TEKTIP1: variants seen among roughly 807,000 people sequenced by gnomAD.
The protein encoded by TEKTIP1 is tektin bundle interacting protein 1.
At chr19:3,539,890 T>C in the TEKTIP1 span, 1 of 152,248 alleles carries the variant, frequency 6.6e-6, no homozygotes, top group South Asian at 2.1e-4. Flanking sequence ...TAAACAATTA[T>C]GGAATACTAT....
chr19:3,542,587 C>T, the TEKTIP1 span: 1 of 753,050 alleles, frequency 1.3e-6, no homozygotes, highest in Non-Finnish European at 1.6e-6. Flanking sequence ...GATTCTCCTG[C>T]CTCAGCCTCC....
At chr19:3,543,956 C>G in the TEKTIP1 span, 375 of 1,550,974 alleles carry the variant, frequency 2.4e-4, 2 homozygotes, top group African/African-American at 4.6e-3. Flanking sequence ...TGGAACCATA[C>G]TGCCCCTCCA....
At chr19:3,543,790 G>C in the TEKTIP1 span, 1 of 1,496,484 alleles carries the variant, frequency 6.7e-7, no homozygotes, top group Non-Finnish European at 9.0e-7. Context: ...CCAACGGCGA[G>C]GAGGTGGGGG....
chr19:3,543,298 G>C, the TEKTIP1 span: 1 of 1,548,918 alleles, frequency 6.5e-7, no homozygotes, highest in Admixed American at 2.0e-5. Flanking sequence ...CCACACGCTG[G>C]AAGTACACGC....
chr19:3,540,028 G>C, the TEKTIP1 span: 1 of 151,830 alleles, frequency 6.6e-6, no homozygotes, highest in Admixed American at 6.6e-5. Flanking sequence ...AAGACAGGAG[G>C]ATCACTTGAG....
At chr19:3,541,682 G>A in the TEKTIP1 span, 6 of 985,254 alleles carry the variant, frequency 6.1e-6, no homozygotes, top group African/African-American at 3.5e-5. Flanking sequence ...CCGCAAGTGT[G>A]TAATAACGGG....
the TEKTIP1 span, chr19:3,540,031 C>G: frequency 1.3e-5 from 2 of 151,342 alleles, no homozygotes; most frequent in Non-Finnish European, 2.9e-5. Context: ...ACAGGAGGAT[C>G]ACTTGAGCCC....
chr19:3,540,277 G>A, the TEKTIP1 span, among the ~76,000 whole-genome samples: 90 of 135,232 alleles, frequency 6.7e-4, no homozygotes, highest in African/African-American at 2.7e-3. Flanking sequence ...TTTTTTTTTT[G>A]GACGGAGTCT....
chr19:3,542,233 C>G, the TEKTIP1 span: 2 of 985,272 alleles, frequency 2.0e-6, no homozygotes, highest in Non-Finnish European at 1.2e-6. Flanking sequence ...TATGTGGGGT[C>G]CCTCAAACAG....
the TEKTIP1 span, chr19:3,543,506 G>T: frequency 6.6e-7 from 1 of 1,516,574 alleles, no homozygotes. Context: ...TGGGCAGCGG[G>T]CCTGCCAGAG....
the TEKTIP1 span, chr19:3,543,869 G>A: frequency 8.4e-6 from 13 of 1,549,546 alleles, no homozygotes; most frequent in Middle Eastern, 1.7e-4. Context: ...CACTGTGGAG[G>A]GCATCAGACT....
At chr19:3,543,404 A>C in the TEKTIP1 span, 2 of 1,547,358 alleles carry the variant, frequency 1.3e-6, no homozygotes, top group African/African-American at 1.4e-5. Context: ...GGCCCCGGCC[A>C]GCCCCTTCCG....
the TEKTIP1 span, chr19:3,541,712 T>C: frequency 1.0e-6 from 1 of 985,154 alleles, no homozygotes; most frequent in Non-Finnish European, 1.2e-6. Context: ...ATGTACCACC[T>C]GCTCCTGGGA....
the TEKTIP1 span, chr19:3,541,806 C>G: frequency 1.0e-6 from 1 of 984,580 alleles, no homozygotes; most frequent in Non-Finnish European, 1.2e-6. Flanking sequence ...GAATATTATT[C>G]TGTGCTGTTT....
chr19:3,541,693 G>C, the TEKTIP1 span: 1 of 985,364 alleles, frequency 1.0e-6, no homozygotes. Flanking sequence ...TAATAACGGG[G>C]GTGAGTGCAT....
At chr19:3,543,868 G>T in the TEKTIP1 span, 1 of 1,549,398 alleles carries the variant, frequency 6.5e-7, no homozygotes, top group East Asian at 2.4e-5. Context: ...CCACTGTGGA[G>T]GGCATCAGAC....
the TEKTIP1 span, chr19:3,541,697 A>C: frequency 1.0e-6 from 1 of 985,274 alleles, no homozygotes; most frequent in Non-Finnish European, 1.2e-6. Flanking sequence ...AACGGGGGTG[A>C]GTGCATGTAC....
At chr19:3,539,603 C>T in the TEKTIP1 span, 2 of 276,936 alleles carry the variant, frequency 7.2e-6, no homozygotes, top group Non-Finnish European at 1.4e-5. Flanking sequence ...CTGTCCCACA[C>T]CTCTTGCAGC....
the TEKTIP1 span, among the ~76,000 whole-genome samples, chr19:3,540,820 A>G: frequency 1.4e-5 from 2 of 142,706 alleles, no homozygotes; most frequent in African/African-American, 2.6e-5. Context: ...CAGAGGTTGC[A>G]GTGAGCCGAG....
Sources: allele counts gnomAD v4.1 joint callset (sites outside exome capture counted in the v4.1 genomes callset), GRCh38; gene constraint gnomAD v4.1.1; transcripts MANE v1.5; gene names NCBI Gene and HGNC (gene_info 2026-07-23, HGNC 2026-07-21).